Variants in DSE observed in about 807,000 individuals in gnomAD.
DSE encodes dermatan-sulfate epimerase.
In DSE, 36 loss-of-function variants were observed where a neutral mutation model predicts 84.4. The observed-to-expected ratio is 0.43, with a 90% CI of 0.33 to 0.56. The LOEUF is 0.56. DSE is among the 20% of genes least tolerant of loss of function. DSE has a pLI of 0.06. For synonymous variants in DSE, 410 were observed against 430.1 expected (o/e 0.95, Z 0.58); for missense variants, 862 against 1,169.6 (o/e 0.74, Z 3.84).
chr6:116,293,093 TC>T (rs1774393875), intron 2 of DSE, among the ~76,000 whole-genome samples: 1 of 152,026 alleles, frequency 6.6e-6, no homozygotes, highest in South Asian at 2.1e-4. Flanking sequence ...GAAAACCCTC[TC>T]ATACAATGAT....
At chr6:116,403,763 G>A (rs1449100507) in intron 2 of DSE, among the ~76,000 whole-genome samples, 1 of 152,126 alleles carries the variant, frequency 6.6e-6, no homozygotes, top group African/African-American at 2.4e-5. Context: ...TACTCTCTTG[G>A]CCCAAGGATC....
At chr6:116,301,171 G>GGGAA (rs1491067548) in intron 2 of DSE, among the ~76,000 whole-genome samples, 8 of 151,914 alleles carry the variant, frequency 5.3e-5, no homozygotes, top group Admixed American at 4.6e-4. Context: ...GAGGGAGGGA[G>GGGAA]GGAGAGAGAG....
At chr6:116,286,186 T>C (rs1363473616) in intron 2 of DSE, among the ~76,000 whole-genome samples, 2 of 152,194 alleles carry the variant, frequency 1.3e-5, no homozygotes, top group Non-Finnish European at 2.9e-5. Context: ...TTGTGTCCTC[T>C]TTTATTTCGT....
At chr6:116,258,867 G>T in exon 2 of DSE, 2 of 1,606,848 alleles carry the variant, frequency 1.2e-6, no homozygotes, top group Non-Finnish European at 1.7e-6. Context: ...GCTTCTTGCC[G>T]TTGTTGCAGC....
At chr6:116,359,258 T>A (rs1334505376) in intron 2 of DSE, among the ~76,000 whole-genome samples, 1 of 152,126 alleles carries the variant, frequency 6.6e-6, no homozygotes, top group Non-Finnish European at 1.5e-5. Flanking sequence ...TTAGAGTACA[T>A]AACAATTCTT....
At chr6:116,362,792 C>G (rs1239606917) in intron 2 of DSE, among the ~76,000 whole-genome samples, 1 of 152,180 alleles carries the variant, frequency 6.6e-6, no homozygotes, top group Non-Finnish European at 1.5e-5. Context: ...TTTAATTTGT[C>G]TGGAGGTAGT....
At chr6:116,262,428 A>G (rs1772451062) in intron 2 of DSE, among the ~76,000 whole-genome samples, 1 of 152,012 alleles carries the variant, frequency 6.6e-6, no homozygotes, top group Non-Finnish European at 1.5e-5. Flanking sequence ...ATATTCTCTG[A>G]TGGTTGTTTG....
At chr6:116,256,234 A>C (rs1047181070) in intron 1 of DSE, 1 of 152,212 alleles carries the variant, frequency 6.6e-6, no homozygotes, top group Non-Finnish European at 1.5e-5. Context: ...AACTTAGTAC[A>C]GTTACGTTTC....
At chr6:116,308,348 C>T (rs191856664) in intron 2 of DSE, among the ~76,000 whole-genome samples, 13 of 152,126 alleles carry the variant, frequency 8.5e-5, no homozygotes, top group Middle Eastern at 3.4e-3. Flanking sequence ...TTGTAAATCT[C>T]GTAAATGTAT....
At chr6:116,386,817 G>A (rs1780603974) in intron 1 of DSE, among the ~76,000 whole-genome samples, 2 of 152,194 alleles carry the variant, frequency 1.3e-5, no homozygotes, top group African/African-American at 4.8e-5. Context: ...CTTCTCTTGG[G>A]AATGTGTATG....
In DSE at chr6:116,435,691, C is replaced by T; in HGVS notation, c.1223C>T (p.Ala408Val). The change falls in exon 6 of 6, where the codon GCA (alanine) becomes GTA (valine). Residue 408 changes from alanine to valine, a missense_variant. Physicochemically the swap from Ala to Val is moderately conservative, Grantham distance 64. Coordinates refer to ENST00000644252, the MANE Select transcript of DSE (RefSeq NM_013352.4). ...GTGACTTATGGAAGTGCACTACCTGCAGAAATCAATAGATCTTTCCTTTCC... is the reference window on the plus strand; with the variant it reads ...GTGACTTATGGAAGTGCACTACCTGTAGAAATCAATAGATCTTTCCTTTCC... ...GVVTYGSALP[A>V]EINRSFLSFK... 1 of 1,614,078 alleles carries T rather than the reference C, an allele frequency of 6.2e-7. No homozygotes were observed. The highest frequency in any genetic ancestry group is 8.5e-7 in the Non-Finnish European group (1 of 1,179,978).
intron 2 of DSE, among the ~76,000 whole-genome samples, chr6:116,324,292 GAT>G (rs1776497940): frequency 6.6e-6 from 1 of 152,182 alleles, no homozygotes; most frequent in African/African-American, 2.4e-5. Flanking sequence ...CTAACTCCAA[GAT>G]ATATACAACA....
chr6:116,280,648 C>T (rs1773468896), intron 2 of DSE, among the ~76,000 whole-genome samples: 1 of 152,204 alleles, frequency 6.6e-6, no homozygotes, highest in African/African-American at 2.4e-5. Context: ...TCTAACGAAG[C>T]ATCTGTCTTT....
chr6:116,411,524 T>C (rs951906055), intron 2 of DSE, among the ~76,000 whole-genome samples: 3 of 152,226 alleles, frequency 2.0e-5, no homozygotes, highest in Non-Finnish European at 2.9e-5. Flanking sequence ...GAAGTGTAGA[T>C]AGCTATTAGG....
At chr6:116,332,702 T>TA (rs1342909843) in intron 2 of DSE, among the ~76,000 whole-genome samples, 2 of 152,126 alleles carry the variant, frequency 1.3e-5, no homozygotes. Context: ...GACTGATACT[T>TA]AGAGTTAAAA....
chr6:116,415,283 G>A (rs1301417596), intron 2 of DSE, among the ~76,000 whole-genome samples: 1 of 151,498 alleles, frequency 6.6e-6, no homozygotes. Context: ...GTATACTAGT[G>A]TCTAGTGTTG....
chr6:116,369,179 G>T (rs1344434516), upstream of DSE, among the ~76,000 whole-genome samples: 1 of 152,106 alleles, frequency 6.6e-6, no homozygotes, highest in Non-Finnish European at 1.5e-5. Context: ...CTTGCGTGGG[G>T]GTCCCCATTG....
In DSE at chr6:116,435,939, T is replaced by A; in HGVS notation, c.1471T>A (p.Ser491Thr). The A allele has an allele frequency of 2.5e-6, 4 of 1,614,150 alleles. No individual in the cohort carries two copies. The African/African-American group carries it at 5.3e-5, about 22-fold the overall frequency. Residue 491 changes from serine (S) to threonine (T), a missense_variant, in exon 6 of 6, where the codon TCA (serine) becomes ACA (threonine). This residue lies in a region of DSE where 186 missense variants were observed against 255.1 expected (regional missense o/e 0.73). Coordinates refer to ENST00000644252, the MANE Select transcript of DSE (RefSeq NM_013352.4). ...TGTTTTGATGTTTTCCCCAGCTGTG[T>A]CAAAGAGCTGCTTTTCTCCCTGGGT... ...NNVLMFSPAVSKSCFSPWVGQ... is the reference protein window; with the variant it reads ...NNVLMFSPAVTKSCFSPWVGQ...
chr6:116,390,835 G>A (rs533291968), intron 1 of DSE, among the ~76,000 whole-genome samples: 4 of 152,068 alleles, frequency 2.6e-5, no homozygotes, highest in African/African-American at 9.6e-5. Context: ...CTCTACCCTC[G>A]TTTCCCTTTG....
Sources: gnomAD v4.1 joint callset for allele counts (sites outside exome capture counted in the v4.1 genomes callset) on GRCh38, gnomAD v4.1.1 for gene constraint, gnomAD v4.1.1 regional missense constraint, MANE v1.5 for transcripts, NCBI Gene and HGNC (gene_info 2026-07-23, HGNC 2026-07-21) for gene names.